MAST4: variants seen among roughly 807,000 people sequenced by gnomAD.
The protein encoded by MAST4 is microtubule associated serine/threonine kinase family member 4.
Under a neutral mutation model 162.7 loss-of-function variants are expected in MAST4, and 89 were observed. That is an observed-to-expected ratio of 0.55 (90% CI 0.46 to 0.65). The LOEUF is 0.65. Ranked by LOEUF, MAST4 falls within the 30% of genes least tolerant of loss-of-function variation. The pLI, the probability that MAST4 is intolerant of heterozygous loss-of-function variation, is 0.00. For synonymous variants in MAST4, 1,479 were observed against 1,361.1 expected (o/e 1.09, Z -1.91); for missense variants, 3,153 against 3,374.0 (o/e 0.93, Z 1.62).
In MAST4 at chr5:67,166,365, A is replaced by G. The variant is rs770311936; in HGVS notation, c.7186A>G (p.Ser2396Gly). Residue 2396 changes from serine (S) to glycine (G), a missense_variant, in exon 29 of 29, where the codon AGC becomes GGC. By Grantham distance (56) the Ser-to-Gly change is moderately conservative. Around this residue, in one of 7 missense-constraint regions of MAST4, gnomAD observed 1,644 missense variants for 1,495.0 expected, o/e 1.10. Transcript: ENST00000403625. ...KLEAGLSFVH[S>G]ENRLKGAERP... ...CGAGGCCGGCCTTTCCTTTGTGCAT[A>G]GCGAGAACCGGTTGAAAGGCGCGGA... The G allele has an allele frequency of 6.2e-7, 1 of 1,611,182 alleles. No individual in the cohort carries two copies. The highest frequency in any genetic ancestry group is 1.7e-4 in the Middle Eastern group (1 of 6,056).
chr5:66,625,981 A>C (rs754843299), intron 1 of MAST4, among the ~76,000 whole-genome samples: 8 of 152,224 alleles, frequency 5.3e-5, no homozygotes, highest in Non-Finnish European at 1.2e-4. Flanking sequence ...ATTTGCAACA[A>C]CATGGGTGGA....
At chr5:66,692,927 A>G (rs1161869364) in intron 1 of MAST4, among the ~76,000 whole-genome samples, 5 of 152,016 alleles carry the variant, frequency 3.3e-5, no homozygotes. Flanking sequence ...TCGTCTGTCC[A>G]TTGAATAATG....
At chr5:66,799,241 C>A (rs780698360) in intron 3 of MAST4, among the ~76,000 whole-genome samples, 4 of 152,210 alleles carry the variant, frequency 2.6e-5, no homozygotes, top group African/African-American at 4.8e-5. Context: ...TCTGCCTGGA[C>A]AATACCTGTC....
chr5:66,693,869 C>T (rs78344297), intron 1 of MAST4, among the ~76,000 whole-genome samples: 15,479 of 152,020 alleles, frequency 0.1, 924 homozygotes, highest in Admixed American at 0.16. Flanking sequence ...AGTTCTTACC[C>T]AAAGTTGTAG....
chr5:66,711,190 A>G (rs1049735763), intron 1 of MAST4, among the ~76,000 whole-genome samples: 1 of 152,202 alleles, frequency 6.6e-6, no homozygotes, highest in African/African-American at 2.4e-5. Flanking sequence ...TCATTTCTGC[A>G]TGGTTATGCC....
intron 3 of MAST4, among the ~76,000 whole-genome samples, chr5:66,875,245 AATT>A (rs1167733936): frequency 6.6e-6 from 1 of 152,196 alleles, no homozygotes; most frequent in African/African-American, 2.4e-5. Flanking sequence ...TGGTTGCCAT[AATT>A]ATTCTGGGAG....
At chr5:67,028,987 T>A (rs1754993106) in intron 4 of MAST4, among the ~76,000 whole-genome samples, 1 of 151,766 alleles carries the variant, frequency 6.6e-6, no homozygotes, top group African/African-American at 2.4e-5. Flanking sequence ...ATAAATAAAT[T>A]CGCTAGGCAT....
intron 5 of MAST4, among the ~76,000 whole-genome samples, chr5:67,070,406 A>C (rs1581431412): frequency 6.6e-6 from 1 of 152,160 alleles, no homozygotes; most frequent in East Asian, 1.9e-4. Flanking sequence ...GTGGGCTTTA[A>C]CTATTTCTGT....
chr5:66,958,163 AAGAG>A (rs901662395), intron 4 of MAST4, among the ~76,000 whole-genome samples: 15 of 151,908 alleles, frequency 9.9e-5, no homozygotes, highest in African/African-American at 2.9e-4. Context: ...GAGAGAGAGA[AAGAG>A]AGAGAAAGAG....
intron 3 of MAST4, among the ~76,000 whole-genome samples, chr5:66,823,744 C>T (rs1757106680): frequency 6.6e-6 from 1 of 152,142 alleles, no homozygotes; most frequent in African/African-American, 2.4e-5. Flanking sequence ...ATCCACCTGC[C>T]TCAGCCTCTG....
At chr5:66,771,479 C>T (rs774862211) in intron 2 of MAST4, among the ~76,000 whole-genome samples, 1 of 152,132 alleles carries the variant, frequency 6.6e-6, no homozygotes, top group African/African-American at 2.4e-5. Flanking sequence ...AGCCACTGTG[C>T]CTGGCCTGTG....
At chr5:66,730,144 C>T (rs1424532072) in intron 1 of MAST4, among the ~76,000 whole-genome samples, 1 of 152,112 alleles carries the variant, frequency 6.6e-6, no homozygotes, top group Admixed American at 6.6e-5. Flanking sequence ...ATCCCCTGAC[C>T]TCTGCCTGCA....
intron 4 of MAST4, among the ~76,000 whole-genome samples, chr5:66,997,825 A>C (rs1378495082): frequency 6.6e-6 from 1 of 152,166 alleles, no homozygotes; most frequent in Non-Finnish European, 1.5e-5. Flanking sequence ...CGTTTCTTTT[A>C]AACTTTTTGT....
chr5:66,639,278 T>TGTGTGTGTG (rs1745323495), intron 1 of MAST4, among the ~76,000 whole-genome samples: 1 of 138,624 alleles, frequency 7.2e-6, no homozygotes, highest in African/African-American at 2.7e-5. Context: ...GAGAGGCAGC[T>TGTGTGTGTG]TGTGTGTGTG....
At chr5:66,874,294 G>GC (rs1208349379) in intron 3 of MAST4, among the ~76,000 whole-genome samples, 2 of 152,172 alleles carry the variant, frequency 1.3e-5, no homozygotes, top group African/African-American at 4.8e-5. Context: ...TATTTGTAGA[G>GC]CTGGTAAAGG....
At chr5:66,696,112 A>G (rs1337218083) in intron 1 of MAST4, among the ~76,000 whole-genome samples, 1 of 152,156 alleles carries the variant, frequency 6.6e-6, no homozygotes, top group Non-Finnish European at 1.5e-5. Context: ...CAGAAAACCA[A>G]ACACTGCATG....
At chr5:66,777,620 G>C (rs1754665256) in intron 2 of MAST4, among the ~76,000 whole-genome samples, 1 of 152,128 alleles carries the variant, frequency 6.6e-6, no homozygotes, top group African/African-American at 2.4e-5. Context: ...ATCTGGAGGG[G>C]GCAGTGAACA....
intron 4 of MAST4, among the ~76,000 whole-genome samples, chr5:66,922,812 G>A (rs567244895): frequency 6.6e-6 from 1 of 152,334 alleles, no homozygotes; most frequent in East Asian, 1.9e-4. Flanking sequence ...ATCCTGAGGT[G>A]TGGAACATTT....
Position 66,692,481 on chromosome 5 carries a change from C to T in MAST4, c.364-67228C>T, listed in dbSNP as rs531114770. The stretch of plus-strand genomic sequence containing the variant: ...AGGCTAGACCTAGCTAGGGGAATAG[C>T]CCATGTTCATCTTCCATCCCTGGGA... On this transcript the variant is annotated intron_variant, in intron 1 of 28. Transcript: ENST00000403625. 3.4e-4 allele frequency among the ~76,000 whole-genome samples: 52 copies of T among 151,742 alleles called. No individual in the cohort carries two copies. In the South Asian group the frequency reaches 4.6e-3, roughly 13 times the overall value.
Sources: allele counts gnomAD v4.1 joint callset (sites outside exome capture counted in the v4.1 genomes callset), GRCh38; gene constraint gnomAD v4.1.1; regional missense constraint gnomAD v4.1.1; transcripts MANE v1.5; gene names NCBI Gene and HGNC (gene_info 2026-07-23, HGNC 2026-07-21).